RUNX2: variants seen among roughly 807,000 people sequenced by gnomAD.
RUNX2 encodes the protein runt-related transcription factor 2.
A neutral mutation model predicts 51.7 loss-of-function variants in RUNX2; 10 were observed. That is an observed-to-expected ratio of 0.19 (90% CI 0.12 to 0.33). The LOEUF is 0.33. RUNX2 is among the 10% of genes least tolerant of loss of function. The pLI, the probability that RUNX2 is intolerant of heterozygous loss-of-function variation, is 1.00. For missense variants in RUNX2, 562 were observed against 691.3 expected, an observed-to-expected ratio of 0.81 and a Z score of 2.10; for synonymous variants, 276 against 273.6, an observed-to-expected ratio of 1.01 and a Z score of -0.09.
At chr6:45,507,435 G>T (rs551056871) in intron 6 of RUNX2, among the ~76,000 whole-genome samples, 1 of 152,268 alleles carries the variant, frequency 6.6e-6, no homozygotes, top group East Asian at 1.9e-4. Context: ...GTTTCTTCAG[G>T]AAGTTGAGTT....
At chr6:45,542,613 G>T (rs965088202) in intron 7 of RUNX2, among the ~76,000 whole-genome samples, 1 of 152,160 alleles carries the variant, frequency 6.6e-6, no homozygotes, top group African/African-American at 2.4e-5. Context: ...AGGCCTAAAA[G>T]AGTTATTAAT....
chr6:45,478,638 ATGTG>A (rs35909968), intron 5 of RUNX2, among the ~76,000 whole-genome samples: 3,769 of 149,322 alleles, frequency 0.025, 52 homozygotes, highest in African/African-American at 0.031. Context: ...TTGTGTGTAA[ATGTG>A]TGTGTGTGTG....
At chr6:45,358,744 T>C (rs1299340325) in intron 2 of RUNX2, among the ~76,000 whole-genome samples, 3 of 152,180 alleles carry the variant, frequency 2.0e-5, no homozygotes, top group Non-Finnish European at 4.4e-5. Flanking sequence ...AAGTTAATAC[T>C]GTACATAAAT....
chr6:45,349,665 GTT>G (rs1791624766), intron 2 of RUNX2, among the ~76,000 whole-genome samples: 1 of 152,204 alleles, frequency 6.6e-6, no homozygotes, highest in Admixed American at 6.5e-5. Flanking sequence ...TGTTTCACTG[GTT>G]TTCATCAATT....
chr6:45,507,397 A>G (rs1328172340), intron 6 of RUNX2, among the ~76,000 whole-genome samples: 2 of 152,202 alleles, frequency 1.3e-5, no homozygotes, highest in Admixed American at 1.3e-4. Context: ...GACTCATCCA[A>G]TTTGAGAGTA....
At chr6:45,399,348 CCT>C (rs1797649604) in intron 2 of RUNX2, among the ~76,000 whole-genome samples, 1 of 97,294 alleles carries the variant, frequency 1.0e-5, no homozygotes, top group Non-Finnish European at 2.3e-5. Flanking sequence ...TCTTTTCTTT[CCT>C]TTTTTTTTTT....
intron 2 of RUNX2, among the ~76,000 whole-genome samples, chr6:45,408,649 C>T (rs563394603): frequency 6.6e-4 from 100 of 151,946 alleles, no homozygotes; most frequent in African/African-American, 2.4e-3. Context: ...TACACCTAGG[C>T]TAGGGTCAAG....
chr6:45,488,066 T>C (rs959562883), intron 5 of RUNX2, among the ~76,000 whole-genome samples: 3 of 152,130 alleles, frequency 2.0e-5, no homozygotes, highest in African/African-American at 7.2e-5. Flanking sequence ...GCTCTTGAGA[T>C]GGGAAACTGA....
intron 4 of RUNX2, among the ~76,000 whole-genome samples, chr6:45,433,980 A>T (rs1463213500): frequency 6.6e-6 from 1 of 152,210 alleles, no homozygotes; most frequent in Non-Finnish European, 1.5e-5. Context: ...GAAATGCTAC[A>T]GTCTGCTGCC....
At chr6:45,355,470 T>C (rs967216630) in intron 2 of RUNX2, among the ~76,000 whole-genome samples, 14 of 152,082 alleles carry the variant, frequency 9.2e-5, no homozygotes, top group African/African-American at 3.4e-4. Context: ...GGGGTGGGGG[T>C]TAATTGTTCC....
At chr6:45,469,191 G>C (rs191558445) in intron 5 of RUNX2, among the ~76,000 whole-genome samples, 5 of 152,164 alleles carry the variant, frequency 3.3e-5, no homozygotes, top group African/African-American at 1.2e-4. Context: ...TAAGGTCCTT[G>C]GGGATATAGA....
Position 45,405,167 on chromosome 6 carries a change from A to G in RUNX2, c.59-17426A>G, listed in dbSNP as rs185224582. 7.4e-4 allele frequency among the ~76,000 whole-genome samples: 113 copies of G among 152,288 alleles called. 1 individual carries two copies. The highest frequency in any genetic ancestry group is 2.5e-3 in the African/African-American group (105 of 41,560). ...TTATTTGCCCATAGAGGACACTGCA[A>G]TTTTTCCACCTGTAAGCCAATATCT... On this transcript the variant is annotated intron_variant, in intron 2 of 8. Transcript: ENST00000647337.
chr6:45,541,901 A>G (rs912561826), intron 7 of RUNX2, among the ~76,000 whole-genome samples: 71 of 152,302 alleles, frequency 4.7e-4, no homozygotes, highest in African/African-American at 1.6e-3. Flanking sequence ...CCGTCAACCA[A>G]CCATATTTAT....
At chr6:45,398,404 C>T (rs1797627281) in intron 2 of RUNX2, among the ~76,000 whole-genome samples, 1 of 152,172 alleles carries the variant, frequency 6.6e-6, no homozygotes, top group South Asian at 2.1e-4. Flanking sequence ...AGTTTAGCTG[C>T]ATTTTCTCCC....
At chr6:45,426,602 T>A (rs1798389237) in intron 3 of RUNX2, among the ~76,000 whole-genome samples, 1 of 152,248 alleles carries the variant, frequency 6.6e-6, no homozygotes, top group Non-Finnish European at 1.5e-5. Context: ...TAAAAGTAGT[T>A]CAAGTCTATT....
At chr6:45,370,446 C>T (rs1186256013) in intron 2 of RUNX2, among the ~76,000 whole-genome samples, 1 of 151,718 alleles carries the variant, frequency 6.6e-6, no homozygotes, top group Admixed American at 6.6e-5. Context: ...ATTAGACATT[C>T]AAGTGGAGAT....
chr6:45,539,713 C>T (rs546679691), intron 7 of RUNX2, among the ~76,000 whole-genome samples: 10 of 152,148 alleles, frequency 6.6e-5, no homozygotes, highest in Non-Finnish European at 1.3e-4. Context: ...GTCGTGTTTG[C>T]CTCCTTGAGA....
chr6:45,489,178 T>G (rs1800380380), intron 5 of RUNX2, among the ~76,000 whole-genome samples: 1 of 152,198 alleles, frequency 6.6e-6, no homozygotes, highest in Admixed American at 6.5e-5. Context: ...CGTATGTTTT[T>G]GTATGTGTGC....
chr6:45,457,243 A>G (rs1799342221), intron 5 of RUNX2, among the ~76,000 whole-genome samples: 2 of 152,182 alleles, frequency 1.3e-5, no homozygotes, highest in Non-Finnish European at 2.9e-5. Context: ...AAAAAAGAAA[A>G]CATTGCCTTT....
Sources: gnomAD v4.1 joint callset for allele counts (sites outside exome capture counted in the v4.1 genomes callset) on GRCh38, gnomAD v4.1.1 for gene constraint, MANE v1.5 for transcripts, NCBI Gene and HGNC (gene_info 2026-07-23, HGNC 2026-07-21) for gene names.